Variants in DMXL1 observed in about 807,000 individuals in gnomAD.
DMXL1 encodes Dmx like 1.
In DMXL1, 99 loss-of-function variants were observed where a neutral mutation model predicts 319.2. The ratio of observed to expected loss-of-function variants is 0.31; its 90% CI spans 0.26 to 0.37. DMXL1 has a LOEUF of 0.37. DMXL1 is among the 10% of genes least tolerant of loss of function. The pLI, the probability that DMXL1 is intolerant of heterozygous loss-of-function variation, is 1.00. For missense variants in DMXL1, 3,745 were observed against 3,595.6 expected (o/e 1.04, Z -1.06); for synonymous variants, 1,385 against 1,235.2 (o/e 1.12, Z -2.54).
rs537903924 is a variant in DMXL1, at chr5:119,170,502, G to A, written c.5711G>A (p.Cys1904Tyr). 9 of 1,613,754 alleles carry A rather than the reference G, an allele frequency of 5.6e-6. No homozygotes were observed. The South Asian group carries it at 7.7e-5, about 14-fold the overall frequency. Reference protein sequence around the residue: ...ASSFLDTSKDCSPSSPLKLDA... With the variant: ...ASSFLDTSKDYSPSSPLKLDA... ...AGTTTTCTGGATACTAGTAAAGACT[G>A]TTCTCCTTCTTCTCCATTAAAGTTG... The change falls in exon 24 of 44, where the codon TGT (cysteine) becomes TAT (tyrosine). Residue 1904 changes from cysteine (C) to tyrosine (Y), a missense_variant. Physicochemically the swap from Cys to Tyr is radical, Grantham distance 194. Coordinates refer to ENST00000539542, the MANE Select transcript of DMXL1 (RefSeq NM_001290321.3).
chr5:119,203,258 G>A (rs1781144962), intron 32 of DMXL1, 61 bp from the exon 33 acceptor site: 1 of 1,081,016 alleles, frequency 9.3e-7, no homozygotes, highest in Non-Finnish European at 1.3e-6. Flanking sequence ...CCAAGGAATT[G>A]TTATCAAGTT....
chr5:119,120,940 ATAGGTAT>A (rs749299481), intron 8 of DMXL1, 24 bp from the exon 9 acceptor site: 5 of 1,574,234 alleles, frequency 3.2e-6, no homozygotes, highest in Non-Finnish European at 4.3e-6. Context: ...TTTTGACAAT[ATAGGTAT>A]TAGTTTTGTT....
At chr5:119,199,899 C>T (rs529056080) in intron 32 of DMXL1, among the ~76,000 whole-genome samples, 1 of 152,214 alleles carries the variant, frequency 6.6e-6, no homozygotes, top group Admixed American at 6.5e-5. Context: ...TGTTCATGTC[C>T]TTTGCCCACT....
At chr5:119,140,984 G>A (rs879017436) in intron 13 of DMXL1, among the ~76,000 whole-genome samples, 1 of 151,890 alleles carries the variant, frequency 6.6e-6, no homozygotes, top group African/African-American at 2.4e-5. Flanking sequence ...TATCACATAA[G>A]GAGAACTGAA....
At chr5:119,228,537 A>T (rs1196461161) in intron 38 of DMXL1, among the ~76,000 whole-genome samples, 5 of 152,220 alleles carry the variant, frequency 3.3e-5, no homozygotes, top group Admixed American at 3.3e-4. Flanking sequence ...GTATATACCC[A>T]TACAAATATA....
At chr5:119,097,478 G>A (rs1476380405) in intron 1 of DMXL1, among the ~76,000 whole-genome samples, 1 of 152,156 alleles carries the variant, frequency 6.6e-6, no homozygotes, top group Non-Finnish European at 1.5e-5. Flanking sequence ...AGCACTTTGG[G>A]AGGCCGAGAC....
chr5:119,153,789 A>G (rs1034323614), intron 19 of DMXL1, among the ~76,000 whole-genome samples: 13 of 152,216 alleles, frequency 8.5e-5, no homozygotes, highest in African/African-American at 2.9e-4. Flanking sequence ...ATATACAGGC[A>G]TACTCCTTTT....
chr5:119,118,996 G>T lies in DMXL1; in HGVS notation c.925G>T (p.Ala309Ser). Residue 309 changes from alanine to serine, a missense_variant, in exon 8 of 44, where the codon GCT becomes TCT. This residue lies in a region of DMXL1 where 2,096 missense variants were observed against 1,985.4 expected (regional missense o/e 1.06). Transcript: ENST00000539542. ...TTCCAGTAAAGAACGAGTTCAAAATGCTTTAGAAGTGAGTGTTTTTGTTAC... is the reference window on the plus strand; with the variant it reads ...TTCCAGTAAAGAACGAGTTCAAAATTCTTTAGAAGTGAGTGTTTTTGTTAC... Reference protein sequence around the residue: ...NASSKERVQNALEVNLRHFRR... With the variant: ...NASSKERVQNSLEVNLRHFRR... The T allele has an allele frequency of 6.2e-7, 1 of 1,603,768 alleles. No individual in the cohort carries two copies. The highest frequency in any genetic ancestry group is 8.5e-7 in the Non-Finnish European group (1 of 1,175,614).
intron 18 of DMXL1, among the ~76,000 whole-genome samples, chr5:119,151,417 A>G (rs1373035789): frequency 6.6e-6 from 1 of 152,208 alleles, no homozygotes; most frequent in African/African-American, 2.4e-5. Flanking sequence ...TAAGTTGGTT[A>G]TGAATCTTGA....
chr5:119,194,103 A>C (rs998084009), intron 30 of DMXL1, 133 bp downstream of exon 30: 12 of 568,622 alleles, frequency 2.1e-5, no homozygotes, highest in Non-Finnish European at 3.1e-5. Context: ...TCTTTAGTTG[A>C]AATTGTTAAA....
chr5:119,216,999 G>C lies in DMXL1; in HGVS notation c.8013+12G>C. On this transcript the variant is annotated intron_variant, in intron 35 of 43. Transcript: ENST00000539542. The stretch of plus-strand genomic sequence containing the variant: ...TTGCTGTTAATAAGGTAAGTACATA[G>C]ACATTCTTCTTTTGTTTATTAAGTA... 1 of 1,392,330 alleles carries C rather than the reference G, an allele frequency of 7.2e-7. No individual in the cohort carries two copies. Among genetic ancestry groups the C allele is most frequent in the Non-Finnish European group, 9.9e-7 (1 of 1,013,006 alleles). The allele number at this position is 1,392,330 out of a possible 1,614,324, so 86.2% of individuals were successfully genotyped here. A position where few individuals can be genotyped will look rare whatever the true frequency, so the allele number is the denominator to read the frequency against.
chr5:119,164,096 G>T (rs11241491), intron 19 of DMXL1, among the ~76,000 whole-genome samples: 71,757 of 146,122 alleles, frequency 0.49, 17,903 homozygotes, highest in East Asian at 0.96. Flanking sequence ...CTTGCTTGAT[G>T]TTTTTTTTTT....
intron 1 of DMXL1, among the ~76,000 whole-genome samples, chr5:119,093,731 G>T (rs1755316258): frequency 6.6e-6 from 1 of 151,944 alleles, no homozygotes; most frequent in Non-Finnish European, 1.5e-5. Flanking sequence ...AATGCAAAGG[G>T]AAAATTCCAA....
intron 18 of DMXL1, 80 bp downstream of exon 18, chr5:119,150,501 G>A (rs1769534304): frequency 2.1e-6 from 3 of 1,440,476 alleles, no homozygotes; most frequent in Admixed American, 4.9e-5. Context: ...TTAAAATGAT[G>A]CCATTGGCTA....
chr5:119,129,141 A>T, intron 9 of DMXL1, 70 bp from the exon 10 acceptor site: 1 of 914,644 alleles, frequency 1.1e-6, no homozygotes, highest in Non-Finnish European at 1.6e-6. Flanking sequence ...TAGTAATAAA[A>T]ATATGAAACA....
At chr5:119,185,341 T>G (rs1027878658) in intron 28 of DMXL1, among the ~76,000 whole-genome samples, 1 of 152,198 alleles carries the variant, frequency 6.6e-6, no homozygotes, top group Non-Finnish European at 1.5e-5. Context: ...CTCTGTGGTT[T>G]GGAGACAAAT....
Position 119,071,382 on chromosome 5 carries a change from C to G in DMXL1, c.-188C>G. 1.0e-5 allele frequency: 6 copies of G among 579,578 alleles called. No homozygotes were observed. The highest frequency in any genetic ancestry group is 9.9e-5 in the East Asian group (3 of 30,158). The allele number at this position is 579,578 out of a possible 1,614,324, so 35.9% of individuals were successfully genotyped here. On this transcript the variant is annotated 5_prime_UTR_variant, in exon 1 of 44. Coordinates refer to ENST00000539542, the MANE Select transcript of DMXL1 (RefSeq NM_001290321.3). ...TCTCGCCGACCCGCCCCCTCCGGGC[C>G]TCGCCCTCCGGGGCTCGGGATGAGT...
intron 13 of DMXL1, among the ~76,000 whole-genome samples, chr5:119,141,545 G>C (rs1250405657): frequency 1.3e-5 from 2 of 152,098 alleles, no homozygotes; most frequent in African/African-American, 2.4e-5. Context: ...CAGCTATCCA[G>C]GGGGGTGGAA....
intron 13 of DMXL1, among the ~76,000 whole-genome samples, chr5:119,142,127 A>T (rs2150100886): frequency 6.6e-6 from 1 of 152,310 alleles, no homozygotes; most frequent in Non-Finnish European, 1.5e-5. Context: ...TGGATTAAAG[A>T]CTTAAATGTA....
Sources: gnomAD v4.1 joint callset for allele counts (sites outside exome capture counted in the v4.1 genomes callset) on GRCh38, gnomAD v4.1.1 for gene constraint, gnomAD v4.1.1 regional missense constraint, MANE v1.5 for transcripts, NCBI Gene and HGNC (gene_info 2026-07-23, HGNC 2026-07-21) for gene names.